The following SNX29 variants were observed in gnomAD, a reference collection of about 807,000 sequenced individuals.
SNX29 encodes sorting nexin-29.
Under a neutral mutation model 102.1 loss-of-function variants are expected in SNX29, and 78 were observed. The observed-to-expected ratio is 0.76, with a 90% CI of 0.64 to 0.92. The LOEUF (loss-of-function observed/expected upper bound fraction) is 0.92. SNX29 is among the 40% of genes least tolerant of loss of function. The pLI, the probability that SNX29 is intolerant of heterozygous loss-of-function variation, is 0.00. For synonymous variants in SNX29, 580 were observed against 414.5 expected (o/e 1.40, Z -4.85); for missense variants, 1,280 against 1,061.7 (o/e 1.21, Z -2.86).
At chr16:12,180,639 A>G (rs1223803390) in intron 13 of SNX29, among the ~76,000 whole-genome samples, 2 of 151,826 alleles carry the variant, frequency 1.3e-5, no homozygotes, top group African/African-American at 2.4e-5. Flanking sequence ...GCCCGCCACC[A>G]CGTCCGGCTA....
At chr16:12,407,698 C>G (rs952595729) in intron 18 of SNX29, among the ~76,000 whole-genome samples, 7 of 152,172 alleles carry the variant, frequency 4.6e-5, no homozygotes, top group Non-Finnish European at 1.0e-4. Context: ...GGTGAAGAAT[C>G]AAAGGCACAG....
intron 18 of SNX29, among the ~76,000 whole-genome samples, chr16:12,453,610 G>T (rs1174757057): frequency 1.3e-5 from 2 of 151,858 alleles, no homozygotes; most frequent in Admixed American, 1.3e-4. Context: ...TGAACTCCTG[G>T]TCTCAAGCAG....
At chr16:12,535,077 A>AAGAG (rs982835357) in intron 20 of SNX29, among the ~76,000 whole-genome samples, 6 of 152,202 alleles carry the variant, frequency 3.9e-5, no homozygotes, top group African/African-American at 1.4e-4. Flanking sequence ...AGTCAAGAAA[A>AAGAG]AGAGAGAGGG....
intron 11 of SNX29, among the ~76,000 whole-genome samples, chr16:12,082,339 C>T (rs763916431): frequency 1.6e-4 from 25 of 152,250 alleles, no homozygotes; most frequent in Middle Eastern, 3.4e-3. Context: ...TTCCTGCGGC[C>T]GGGGCTGAGG....
At chr16:12,566,063 GTC>G (rs2078991652) in intron 20 of SNX29, among the ~76,000 whole-genome samples, 1 of 152,204 alleles carries the variant, frequency 6.6e-6, no homozygotes, top group Non-Finnish European at 1.5e-5. Context: ...GTTGCCCATT[GTC>G]TCTCTAGGCA....
In SNX29 at chr16:12,078,821, G is replaced by C. The variant is rs750395383; in HGVS notation, c.1320-12G>C. The C allele has an allele frequency of 1.3e-6, 2 of 1,592,906 alleles. No individual in the cohort carries two copies. The highest frequency in any genetic ancestry group is 4.5e-5 in the East Asian group (2 of 44,076). On this transcript the variant is annotated splice_polypyrimidine_tract_variant and intron_variant, in intron 10 of 20. Coordinates refer to ENST00000566228, the MANE Select transcript of SNX29 (RefSeq NM_032167.5). ...GGCCGAGTGTAACTTCCTCCTGCCT[G>C]CTTTTTCCTAGTGTGGAAGCCAGCT...
chr16:12,551,102 A>T (rs773397044), intron 20 of SNX29, among the ~76,000 whole-genome samples: 15 of 152,142 alleles, frequency 9.9e-5, no homozygotes, highest in Non-Finnish European at 1.9e-4. Context: ...GCTTGGATGA[A>T]ATCTGGTGTG....
intron 15 of SNX29, among the ~76,000 whole-genome samples, chr16:12,314,699 G>A (rs1469296235): frequency 6.6e-6 from 1 of 152,206 alleles, no homozygotes; most frequent in East Asian, 1.9e-4. Flanking sequence ...ACAGCTTGGT[G>A]GATTTTATAA....
intron 4 of SNX29, among the ~76,000 whole-genome samples, chr16:12,034,993 A>G (rs916937155): frequency 2.6e-5 from 4 of 152,228 alleles, no homozygotes; most frequent in African/African-American, 7.2e-5. Context: ...CCTGGGCGAC[A>G]GAGCAAGACT....
rs1374785171 is a variant in SNX29 at position 12,462,014 on chromosome 16, T to TCACAC, written c.2038-15705_2038-15704insCACAC. On this transcript the variant is annotated intron_variant, in intron 18 of 20. Transcript: ENST00000566228. The stretch of plus-strand genomic sequence containing the variant: ...ATATATATATATATATATATATATG[T>TCACAC]ATACACACACACACACACACACACA... 1.6e-3 allele frequency among the ~76,000 whole-genome samples: 94 copies of TCACAC among 59,398 alleles called. 1 individual carries two copies. The highest frequency in any genetic ancestry group is 8.5e-3 in the Middle Eastern group (1 of 118). The allele number at this position is 59,398 out of a possible 152,430, so 39.0% of individuals were successfully genotyped here.
intron 18 of SNX29, among the ~76,000 whole-genome samples, chr16:12,459,968 G>A (rs955004901): frequency 6.6e-6 from 1 of 152,202 alleles, no homozygotes; most frequent in African/African-American, 2.4e-5. Context: ...GAAGAGAAGT[G>A]CCTGGCTCCC....
chr16:12,021,877 C>T (rs987698858), intron 3 of SNX29, among the ~76,000 whole-genome samples: 4 of 150,038 alleles, frequency 2.7e-5, no homozygotes, highest in Non-Finnish European at 4.4e-5. Context: ...GGGAACAGAG[C>T]GAGGCTCCAT....
intron 17 of SNX29, among the ~76,000 whole-genome samples, 179 bp from the exon 18 acceptor site, chr16:12,403,269 C>T (rs77265576): frequency 7.0e-6 from 1 of 142,056 alleles, no homozygotes; most frequent in Non-Finnish European, 1.5e-5. Flanking sequence ...GAGAGACAGA[C>T]TGAGTGATGA....
rs372124232 is a variant in SNX29 at position 12,563,900 on chromosome 16, G to C, written c.2319-4606G>C. Among the ~76,000 whole-genome samples, 55 of 152,320 alleles carry C rather than the reference G, an allele frequency of 3.6e-4. 2 individuals carry two copies. The South Asian group carries it at 0.011, about 32-fold the overall frequency. On this transcript the variant is annotated intron_variant, in intron 20 of 20. Coordinates refer to ENST00000566228, the MANE Select transcript of SNX29 (RefSeq NM_032167.5). Reference sequence around the variant, plus strand: ...AGCCCCTTGGGCCTCTGCCGTCTCTGGAGCAGGCAGCCGAAGACCTACAAT... The same window carrying C: ...AGCCCCTTGGGCCTCTGCCGTCTCTCGAGCAGGCAGCCGAAGACCTACAAT...
intron 4 of SNX29, chr16:12,029,628 G>A (rs1472520568): frequency 2.2e-6 from 1 of 447,528 alleles, no homozygotes; most frequent in Non-Finnish European, 4.4e-6. Context: ...GCCTCACTCT[G>A]TTGCCCAGTC....
intron 20 of SNX29, among the ~76,000 whole-genome samples, chr16:12,525,482 G>A (rs2076754558): frequency 1.3e-5 from 2 of 152,130 alleles, no homozygotes; most frequent in African/African-American, 4.8e-5. Flanking sequence ...AGACCAGCAT[G>A]GCCAACATGT....
chr16:12,147,189 G>A (rs547806510), intron 13 of SNX29, among the ~76,000 whole-genome samples: 1 of 152,230 alleles, frequency 6.6e-6, no homozygotes, highest in Non-Finnish European at 1.5e-5. Context: ...AATGCCAGAT[G>A]TTCCCTGAAA....
At chr16:12,547,259 C>T (rs1244321026) in intron 20 of SNX29, among the ~76,000 whole-genome samples, 3 of 152,202 alleles carry the variant, frequency 2.0e-5, no homozygotes, top group Non-Finnish European at 4.4e-5. Flanking sequence ...TGCAAAGGTC[C>T]TGCAGCCTTG....
chr16:12,410,957 C>G (rs1256150025), intron 18 of SNX29, among the ~76,000 whole-genome samples: 1 of 152,166 alleles, frequency 6.6e-6, no homozygotes, highest in African/African-American at 2.4e-5. Context: ...CCCTCAAGTT[C>G]TCTTTTACCC....
Sources: allele counts gnomAD v4.1 joint callset (sites outside exome capture counted in the v4.1 genomes callset), GRCh38; gene constraint gnomAD v4.1.1; transcripts MANE v1.5; gene names NCBI Gene and HGNC (gene_info 2026-07-23, HGNC 2026-07-21).